Variants in MAGI2 observed in about 807,000 individuals in gnomAD.
MAGI2 encodes membrane associated guanylate kinase, WW and PDZ domain containing 2.
Under a neutral mutation model 133.3 loss-of-function variants are expected in MAGI2, and 35 were observed. That is an observed-to-expected ratio of 0.26 (90% CI 0.20 to 0.35). The LOEUF is 0.35. Among genes scored for constraint, MAGI2 ranks in the 10% least tolerant of loss-of-function variants. The pLI is 1.00. For synonymous variants in MAGI2, 729 were observed against 710.6 expected (o/e 1.03, Z -0.41); for missense variants, 1,636 against 1,863.4 (o/e 0.88, Z 2.25).
At chr7:79,371,962 AT>A (rs11288491) in intron 1 of MAGI2, among the ~76,000 whole-genome samples, 18,875 of 152,150 alleles carry the variant, frequency 0.12, 1,308 homozygotes, top group South Asian at 0.25. Flanking sequence ...TATACTGAAC[AT>A]TAAGTTGCAT....
intron 2 of MAGI2, among the ~76,000 whole-genome samples, chr7:78,705,211 C>T (rs889478724): frequency 6.6e-6 from 1 of 151,874 alleles, no homozygotes; most frequent in African/African-American, 2.4e-5. Flanking sequence ...GAGGGTGGTC[C>T]CCCATTGCTG....
intron 16 of MAGI2, among the ~76,000 whole-genome samples, chr7:78,159,184 T>A (rs1009538442): frequency 9.2e-5 from 14 of 152,134 alleles, no homozygotes; most frequent in Non-Finnish European, 2.9e-5. Flanking sequence ...AATTACTCTT[T>A]CTCCATCGCA....
At chr7:79,352,837 G>A (rs1403519317) in intron 1 of MAGI2, among the ~76,000 whole-genome samples, 3 of 152,082 alleles carry the variant, frequency 2.0e-5, no homozygotes, top group Admixed American at 2.0e-4. Flanking sequence ...TGCTAGCTGA[G>A]TTTTAGACTT....
intron 2 of MAGI2, among the ~76,000 whole-genome samples, chr7:78,892,573 C>T (rs1191302485): frequency 6.6e-6 from 1 of 152,194 alleles, no homozygotes; most frequent in Non-Finnish European, 1.5e-5. Context: ...AGAAATAATG[C>T]TGCATACCTA....
rs562970624 is a variant in MAGI2 at position 78,633,669 on chromosome 7, G to A, written c.419-6430C>T. 3.6e-5 allele frequency among the ~76,000 whole-genome samples: 5 copies of A among 137,710 alleles called. No individual in the cohort carries two copies. In the South Asian group the frequency reaches 1.1e-3, roughly 31 times the overall value. 90.3% of individuals were successfully genotyped at this position (137,710 alleles called of 152,430 possible). Reference sequence around the variant, plus strand: ...TGCAGTGAGCAGAGATCGCGCCACTGCACTCCAGCCTGGGCGTCAGAGCGA... The same window carrying A: ...TGCAGTGAGCAGAGATCGCGCCACTACACTCCAGCCTGGGCGTCAGAGCGA... On this transcript the variant is annotated intron_variant, in intron 2 of 21. Coordinates refer to ENST00000354212, the MANE Select transcript of MAGI2 (RefSeq NM_012301.4).
chr7:78,798,859 GC>G (rs1162978877), intron 2 of MAGI2, among the ~76,000 whole-genome samples: 4 of 152,142 alleles, frequency 2.6e-5, no homozygotes, highest in Admixed American at 6.5e-5. Flanking sequence ...AAATCCTCAG[GC>G]TGGAAATGTA....
At chr7:78,737,859 C>T (rs532709415) in intron 2 of MAGI2, among the ~76,000 whole-genome samples, 1 of 151,882 alleles carries the variant, frequency 6.6e-6, no homozygotes, top group South Asian at 2.1e-4. Flanking sequence ...TTTTTGGGGT[C>T]CTCATAATTT....
chr7:79,046,707 T>A (rs1187044007), intron 1 of MAGI2, among the ~76,000 whole-genome samples: 1 of 152,202 alleles, frequency 6.6e-6, no homozygotes, highest in Non-Finnish European at 1.5e-5. Context: ...CTTTTTCTAC[T>A]GCATCATGCT....
chr7:78,277,251 A>G (rs2151001649), intron 9 of MAGI2, among the ~76,000 whole-genome samples: 1 of 152,304 alleles, frequency 6.6e-6, no homozygotes, highest in Non-Finnish European at 1.5e-5. Context: ...AAATTATCAT[A>G]ATTTATTATG....
At chr7:78,130,528 G>A (rs189081157) in intron 18 of MAGI2, among the ~76,000 whole-genome samples, 231 of 152,262 alleles carry the variant, frequency 1.5e-3, no homozygotes, top group Middle Eastern at 0.01. Context: ...CTGATACCAT[G>A]GCCATCTTTA....
intron 10 of MAGI2, among the ~76,000 whole-genome samples, chr7:78,204,847 T>C (rs1829585998): frequency 6.6e-6 from 1 of 152,206 alleles, no homozygotes; most frequent in South Asian, 2.1e-4. Context: ...ATGTAGCTAA[T>C]ATAGAAACTA....
rs1416258699 is a variant in MAGI2, at chr7:78,070,616, A to ATATG, written c.3706+8330_3706+8331insCATA. 8.4e-3 allele frequency among the ~76,000 whole-genome samples: 1,075 copies of ATATG among 128,172 alleles called. 33 individuals carry two copies. Among genetic ancestry groups the ATATG allele is most frequent in the East Asian group, 0.075 (299 of 3,998 alleles). The allele number at this position is 128,172 out of a possible 152,430, so 84.1% of individuals were successfully genotyped here. On this transcript the variant is annotated intron_variant, in intron 21 of 21. Transcript: ENST00000354212. Reference sequence around the variant, plus strand: ...TATGTGTATATATGTGTATATATATATGTGTGTGTGTGTGTATATATATAT... The same window carrying ATATG: ...TATGTGTATATATGTGTATATATATATATGTGTGTGTGTGTGTGTATATATATAT...
chr7:78,107,035 T>C (rs1367220985), intron 20 of MAGI2, among the ~76,000 whole-genome samples: 3 of 152,276 alleles, frequency 2.0e-5, no homozygotes, highest in East Asian at 3.9e-4. Flanking sequence ...TTTTTGTATA[T>C]GGCAAAAGAT....
At chr7:78,134,390 A>G (rs1400689415) in intron 17 of MAGI2, 2 of 152,206 alleles carry the variant, frequency 1.3e-5, no homozygotes, top group African/African-American at 2.4e-5. Context: ...TCATGAACCC[A>G]CTGTCTCTGG....
intron 1 of MAGI2, among the ~76,000 whole-genome samples, chr7:79,310,421 A>G (rs963801409): frequency 6.6e-6 from 1 of 152,138 alleles, no homozygotes; most frequent in Non-Finnish European, 1.5e-5. Flanking sequence ...CTAAACATTC[A>G]AATTACTGAA....
At chr7:78,224,605 G>T (rs897025144) in intron 10 of MAGI2, among the ~76,000 whole-genome samples, 6 of 152,150 alleles carry the variant, frequency 3.9e-5, no homozygotes, top group Admixed American at 1.3e-4. Flanking sequence ...GGTGGAGGTC[G>T]CAGTGAGCCA....
chr7:78,402,381 T>G (rs972063388), intron 6 of MAGI2, among the ~76,000 whole-genome samples: 1 of 150,568 alleles, frequency 6.6e-6, no homozygotes, highest in Non-Finnish European at 1.5e-5. Context: ...ACCTGGGGTG[T>G]GTGTGTGTGT....
At chr7:78,621,424 T>C (rs1474404263) in intron 3 of MAGI2, 1 of 151,928 alleles carries the variant, frequency 6.6e-6, no homozygotes, top group Non-Finnish European at 1.5e-5. Flanking sequence ...TCAACTAAAT[T>C]TTAAACCTGA....
At chr7:78,410,692 A>G (rs572376977) in intron 6 of MAGI2, among the ~76,000 whole-genome samples, 11 of 152,150 alleles carry the variant, frequency 7.2e-5, no homozygotes, top group Non-Finnish European at 1.3e-4. Flanking sequence ...CACAGGATGC[A>G]AAGCTCAGGG....
Sources: allele counts gnomAD v4.1 joint callset (sites outside exome capture counted in the v4.1 genomes callset), GRCh38; gene constraint gnomAD v4.1.1; transcripts MANE v1.5; gene names NCBI Gene and HGNC (gene_info 2026-07-23, HGNC 2026-07-21).